ZNRF3: variants seen among roughly 807,000 people sequenced by gnomAD.
ZNRF3 encodes the protein zinc and ring finger 3.
A neutral mutation model predicts 72.5 loss-of-function variants in ZNRF3; 23 were observed. The ratio of observed to expected loss-of-function variants is 0.32; its 90% CI spans 0.23 to 0.45. ZNRF3 has a LOEUF of 0.45. Among genes scored for constraint, ZNRF3 ranks in the 20% least tolerant of loss-of-function variants. The pLI is 1.00. For missense variants in ZNRF3, 1,169 were observed against 1,272.1 expected (o/e 0.92, Z 1.23); for synonymous variants, 610 against 545.3 (o/e 1.12, Z -1.65).
chr22:28,931,433 A>T (rs1028321676), intron 1 of ZNRF3, among the ~76,000 whole-genome samples: 2 of 152,190 alleles, frequency 1.3e-5, no homozygotes, highest in African/African-American at 4.8e-5. Flanking sequence ...GTAGGTGAAG[A>T]TGTTACTTTG....
intron 1 of ZNRF3, among the ~76,000 whole-genome samples, chr22:28,929,855 T>C (rs2034673706): frequency 6.6e-6 from 1 of 152,222 alleles, no homozygotes; most frequent in Non-Finnish European, 1.5e-5. Context: ...TTAAAGCTTA[T>C]AAAAGGGATT....
chr22:29,012,820 G>A (rs1445048002), intron 2 of ZNRF3, among the ~76,000 whole-genome samples: 1 of 152,204 alleles, frequency 6.6e-6, no homozygotes, highest in Non-Finnish European at 1.5e-5. Context: ...GCTCTGTCCA[G>A]ATAGAATCAT....
At chr22:29,007,525 G>A (rs1261280552) in intron 2 of ZNRF3, among the ~76,000 whole-genome samples, 2 of 151,630 alleles carry the variant, frequency 1.3e-5, no homozygotes, top group African/African-American at 2.4e-5. Context: ...CACTTATAGT[G>A]CAGCTACTCA....
intron 1 of ZNRF3, among the ~76,000 whole-genome samples, chr22:28,931,036 G>A (rs2034696392): frequency 1.3e-5 from 2 of 152,206 alleles, no homozygotes; most frequent in Non-Finnish European, 2.9e-5. Context: ...CTCATTACAA[G>A]TCCTTTACCC....
chr22:29,008,889 A>T (rs1464204380), intron 2 of ZNRF3, among the ~76,000 whole-genome samples: 1 of 152,194 alleles, frequency 6.6e-6, no homozygotes, highest in Non-Finnish European at 1.5e-5. Context: ...GTTAACTAAG[A>T]AGATTTATAC....
chr22:29,003,408 T>C (rs1250823714), intron 2 of ZNRF3, among the ~76,000 whole-genome samples: 1 of 151,342 alleles, frequency 6.6e-6, no homozygotes, highest in East Asian at 1.9e-4. Context: ...TAGTCCCAGC[T>C]ACTCAGGAGG....
At chr22:28,938,155 A>G (rs1203172169) in intron 1 of ZNRF3, among the ~76,000 whole-genome samples, 3 of 152,182 alleles carry the variant, frequency 2.0e-5, no homozygotes, top group Non-Finnish European at 4.4e-5. Context: ...TATATATTTC[A>G]GAGTATTTTT....
At chr22:29,046,024 C>T (rs2037061847) in intron 5 of ZNRF3, among the ~76,000 whole-genome samples, 1 of 152,174 alleles carries the variant, frequency 6.6e-6, no homozygotes, top group African/African-American at 2.4e-5. Context: ...GGCTCCGCTC[C>T]AGGCCACCTA....
In ZNRF3 at chr22:29,049,405, T is replaced by C. The variant is rs2037138044; in HGVS notation, c.1224T>C (p.Tyr408=). 6.2e-7 allele frequency: 1 copy of C among 1,610,288 alleles called. No individual in the cohort carries two copies. The highest frequency in any genetic ancestry group is 1.1e-5 in the South Asian group (1 of 91,002). Residue 408 remains tyrosine, a synonymous_variant, in exon 8 of 9, where the codon TAT becomes TAC. Transcript: ENST00000544604. The surrounding 1 kb of genome is among the most constrained non-coding windows in gnomAD (Gnocchi z 5.2). ...ACCGGCACGGGGAGCAGAGCCTCTA[T>C]TCCCCGCAGACCCCCGCCTACATCC... ...TMDRHGEQSL[Y]SPQTPAYIRS... is the part of the protein sequence containing the mutation.
intron 1 of ZNRF3, among the ~76,000 whole-genome samples, chr22:28,960,423 C>G (rs1251718104): frequency 6.6e-6 from 1 of 152,172 alleles, no homozygotes; most frequent in East Asian, 1.9e-4. Context: ...AATCAGTCCC[C>G]ACTGGGGATC....
Position 28,987,136 on chromosome 22 carries a change from G to A in ZNRF3, c.361G>A (p.Val121Ile), listed in dbSNP as rs2035868533. 1 of 1,613,976 alleles carries A rather than the reference G, an allele frequency of 6.2e-7. No homozygotes were observed. Among genetic ancestry groups the A allele is most frequent in the Non-Finnish European group, 8.5e-7 (1 of 1,179,922 alleles). Residue 121 changes from valine to isoleucine, a missense_variant, in exon 2 of 9, where the codon GTA (valine) becomes ATA (isoleucine). Coordinates refer to ENST00000544604, the MANE Select transcript of ZNRF3 (RefSeq NM_001206998.2). ...AGAGGACTTGTATGAATATGGCTGG[G>A]TAGGAGTGGTGAAGCTGGAACAGCC... ...DEEDLYEYGWVGVVKLEQPEL... is the reference protein window; with the variant it reads ...DEEDLYEYGWIGVVKLEQPEL...
intron 1 of ZNRF3, among the ~76,000 whole-genome samples, chr22:28,964,630 C>T (rs569537228): frequency 6.6e-6 from 1 of 152,346 alleles, no homozygotes; most frequent in African/African-American, 2.4e-5. Context: ...CCTCCTATCT[C>T]TTGGGAGGCT....
At chr22:28,912,831 A>C (rs2034343714) in intron 1 of ZNRF3, among the ~76,000 whole-genome samples, 1 of 151,738 alleles carries the variant, frequency 6.6e-6, no homozygotes, top group African/African-American at 2.4e-5. Flanking sequence ...CACCCAGCTA[A>C]TTTTTTGTAT....
rs1448487419 is a variant in ZNRF3, at chr22:28,883,614, C to G, written c.-153C>G. 5.2e-6 allele frequency: 4 copies of G among 767,656 alleles called. No individual in the cohort carries two copies. Among genetic ancestry groups the G allele is most frequent in the Non-Finnish European group, 6.3e-6 (4 of 630,856 alleles). 47.6% of individuals were successfully genotyped at this position (767,656 alleles called of 1,614,324 possible). A position where few individuals can be genotyped will look rare whatever the true frequency, so the allele number is the denominator to read the frequency against. ...AGCAGATGAAAGGGCCGCGGCGCGA[C>G]GGCCGGGGGAGCCGAGCTGAGCCTG... On this transcript the variant is annotated 5_prime_UTR_variant, in exon 1 of 9. Transcript: ENST00000544604. This position sits in a 1 kb window ranked among gnomAD's most constrained non-coding sequence, Gnocchi z 5.5.
At chr22:28,970,565 G>C (rs560808678) in intron 1 of ZNRF3, among the ~76,000 whole-genome samples, 1 of 152,158 alleles carries the variant, frequency 6.6e-6, no homozygotes, top group Non-Finnish European at 1.5e-5. Context: ...TCAAATATCC[G>C]TGGCAGCTTT....
chr22:29,023,547 A>AT (rs1331426382), intron 2 of ZNRF3, among the ~76,000 whole-genome samples: 1 of 152,160 alleles, frequency 6.6e-6, no homozygotes, highest in African/African-American at 2.4e-5. Flanking sequence ...CATGGGATCC[A>AT]TTAACTCCCA....
At chr22:28,942,202 C>T (rs2034959894) in intron 1 of ZNRF3, among the ~76,000 whole-genome samples, 1 of 152,206 alleles carries the variant, frequency 6.6e-6, no homozygotes, top group Non-Finnish European at 1.5e-5. Flanking sequence ...TCTGAAGTTT[C>T]TCAACAAAGC....
intron 1 of ZNRF3, among the ~76,000 whole-genome samples, chr22:28,984,857 A>G (rs933002391): frequency 6.6e-6 from 1 of 152,150 alleles, no homozygotes; most frequent in Non-Finnish European, 1.5e-5. Context: ...TGCCCCACCC[A>G]TGGCACCGCA....
chr22:28,987,633 G>A (rs2035879112), intron 2 of ZNRF3, among the ~76,000 whole-genome samples: 1 of 152,208 alleles, frequency 6.6e-6, no homozygotes, highest in Non-Finnish European at 1.5e-5. Context: ...GACATGGGGA[G>A]GCACTCAGTA....
Sources: allele counts gnomAD v4.1 joint callset (sites outside exome capture counted in the v4.1 genomes callset), GRCh38; gene constraint gnomAD v4.1.1; non-coding constraint Gnocchi (gnomAD v3.1); transcripts MANE v1.5; gene names NCBI Gene and HGNC (gene_info 2026-07-23, HGNC 2026-07-21).